ANKRD33B: variants seen among roughly 807,000 people sequenced by gnomAD.
ANKRD33B encodes the protein ankyrin repeat domain 33B, also known as ankyrin repeat domain-containing protein 33B.
Under a neutral mutation model 21.5 loss-of-function variants are expected in ANKRD33B, and 6 were observed. That is an observed-to-expected ratio of 0.28 (90% CI 0.15 to 0.55). ANKRD33B has a LOEUF of 0.55. Ranked by LOEUF, ANKRD33B falls within the 20% of genes least tolerant of loss-of-function variation. The pLI, the probability that ANKRD33B is intolerant of heterozygous loss-of-function variation, is 0.94. For synonymous variants in ANKRD33B, 347 were observed against 342.4 expected (o/e 1.01, Z -0.15); for missense variants, 698 against 747.2 (o/e 0.93, Z 0.77).
chr5:10,636,283 G>C (rs1382824588), intron 2 of ANKRD33B, among the ~76,000 whole-genome samples: 1 of 152,282 alleles, frequency 6.6e-6, no homozygotes, highest in East Asian at 1.9e-4. Context: ...ATGAATAAGT[G>C]GGGATTTCTG....
Position 10,651,539 on chromosome 5 carries a change from C to T in ANKRD33B, c.*1426C>T, listed in dbSNP as rs1309981881. ...GGGCAGGGTATGAAAGCTGGAAACT[C>T]AGGCTGGAGTTTCTAGTTCTAATGG... On this transcript the variant is annotated 3_prime_UTR_variant, in exon 4 of 4. Transcript: ENST00000296657. The T allele has an allele frequency of 1.3e-5, 2 of 152,336 alleles. No homozygotes were observed. The allele number at this position is 152,336 out of a possible 1,614,324, so 9.4% of individuals were successfully genotyped here.
At position 10,649,947 on chromosome 5, in the gene ANKRD33B, G is replaced by C. The variant is rs1374550799; in HGVS notation, c.1319G>C (p.Arg440Pro). 1.8e-5 allele frequency: 28 copies of C among 1,529,624 alleles called. No individual in the cohort carries two copies. The highest frequency in any genetic ancestry group is 2.4e-5 in the Non-Finnish European group (28 of 1,143,612). 94.8% of individuals were successfully genotyped at this position (1,529,624 alleles called of 1,614,324 possible). Residue 440 changes from arginine to proline, a missense_variant, in exon 4 of 4, where the codon CGG becomes CCG. By Grantham distance (103) the Arg-to-Pro change is moderately radical. Around this residue, in one of 3 missense-constraint regions of ANKRD33B, gnomAD observed 543 missense variants for 566.5 expected, o/e 0.96. Coordinates refer to ENST00000296657, the MANE Select transcript of ANKRD33B (RefSeq NM_001164440.2). Reference protein sequence around the residue: ...KAPAPTFQPERPARKGSTKDS... With the variant: ...KAPAPTFQPEPPARKGSTKDS... Reference sequence around the variant, plus strand: ...CCCGCGCCCACCTTCCAGCCCGAGCGGCCGGCGCGGAAGGGCAGCACCAAG... The same window carrying C: ...CCCGCGCCCACCTTCCAGCCCGAGCCGCCGGCGCGGAAGGGCAGCACCAAG...
At chr5:10,624,578 CTGAAT>C in intron 2 of ANKRD33B, 2 of 367,908 alleles carry the variant, frequency 5.4e-6, no homozygotes, top group Non-Finnish European at 1.1e-5. Flanking sequence ...GGCTTTGGGA[CTGAAT>C]TGTTGAGGTT....
intron 1 of ANKRD33B, among the ~76,000 whole-genome samples, chr5:10,589,122 T>C (rs1735629035): frequency 6.6e-6 from 1 of 152,188 alleles, no homozygotes; most frequent in Admixed American, 6.5e-5. Context: ...CCCGAGTTCC[T>C]GTGCTGAGTC....
At chr5:10,603,808 T>A (rs538372371) in intron 1 of ANKRD33B, among the ~76,000 whole-genome samples, 60 of 152,202 alleles carry the variant, frequency 3.9e-4, no homozygotes, top group African/African-American at 1.4e-3. Flanking sequence ...TTTATATACC[T>A]CAATTTTACT....
intron 1 of ANKRD33B, among the ~76,000 whole-genome samples, chr5:10,575,250 C>G (rs1250836279): frequency 6.6e-6 from 1 of 151,914 alleles, no homozygotes; most frequent in East Asian, 1.9e-4. Flanking sequence ...TGGTGAAACC[C>G]CATCTCTACT....
rs116025058 is a variant in ANKRD33B, at chr5:10,621,543, A to G, written c.496+3081A>G. ...TACGACAAATGTGCACAAAGTGGTG[A>G]TACTAAAGGATAATTTTCAAAAGCT... On this transcript the variant is annotated intron_variant, in intron 2 of 3. Coordinates refer to ENST00000296657, the MANE Select transcript of ANKRD33B (RefSeq NM_001164440.2). Among the ~76,000 whole-genome samples the G allele has an allele frequency of 6.5e-3, 986 of 152,344 alleles. 6 individuals carry two copies. Among genetic ancestry groups the G allele is most frequent in the Admixed American group, 9.9e-3 (151 of 15,300 alleles).
chr5:10,617,031 G>C (rs919568337), intron 1 of ANKRD33B, among the ~76,000 whole-genome samples: 1 of 152,158 alleles, frequency 6.6e-6, no homozygotes. Flanking sequence ...GTCCTTACAT[G>C]GAGGAAAAAG....
intron 2 of ANKRD33B, among the ~76,000 whole-genome samples, chr5:10,622,689 A>G (rs16885022): frequency 0.071 from 10,844 of 152,186 alleles, 425 homozygotes; most frequent in Middle Eastern, 0.18. Context: ...CCGGGGAGCA[A>G]TCGATCTATT....
intron 1 of ANKRD33B, among the ~76,000 whole-genome samples, chr5:10,617,653 G>T (rs1259341270): frequency 2.6e-5 from 4 of 152,124 alleles, no homozygotes; most frequent in African/African-American, 9.7e-5. Flanking sequence ...GCAGCCGATG[G>T]CTCAGGACAC....
chr5:10,602,195 C>T (rs1389592969), intron 1 of ANKRD33B, among the ~76,000 whole-genome samples: 3 of 152,218 alleles, frequency 2.0e-5, no homozygotes, highest in South Asian at 2.1e-4. Context: ...CTGTCCATCC[C>T]GGGGCCTCAC....
rs1737322319 is a variant in ANKRD33B, at chr5:10,650,393, A to G, written c.*280A>G. ...GAGAACCTCAATTAAGATTTTTTTT[A>G]AAGATCAATTTATCAAAGGGCGTTT... On this transcript the variant is annotated 3_prime_UTR_variant, in exon 4 of 4. Transcript: ENST00000296657. 3.8e-6 allele frequency: 1 copy of G among 262,628 alleles called. No individual in the cohort carries two copies. The highest frequency in any genetic ancestry group is 5.4e-5 in the Admixed American group (1 of 18,400). 16.3% of individuals were successfully genotyped at this position (262,628 alleles called of 1,614,324 possible). A position where few individuals can be genotyped will look rare whatever the true frequency, so the allele number is the denominator to read the frequency against.
chr5:10,590,539 T>C (rs1160612622), intron 1 of ANKRD33B, among the ~76,000 whole-genome samples: 1 of 152,172 alleles, frequency 6.6e-6, no homozygotes, highest in Non-Finnish European at 1.5e-5. Flanking sequence ...CAGGATGACT[T>C]TGAATGCAGC....
At chr5:10,639,020 A>C (rs1346547869) in intron 3 of ANKRD33B, among the ~76,000 whole-genome samples, 1 of 76,884 alleles carries the variant, frequency 1.3e-5, no homozygotes, top group Admixed American at 1.2e-4. Flanking sequence ...GGTGACGCGG[A>C]GTTGCGCGGC....
chr5:10,586,086 G>A (rs1057187903), intron 1 of ANKRD33B, among the ~76,000 whole-genome samples: 2 of 151,992 alleles, frequency 1.3e-5, no homozygotes, highest in African/African-American at 4.8e-5. Flanking sequence ...TGTTGTCTCT[G>A]CTCCATGCTA....
rs1370510987 is a variant in ANKRD33B, at chr5:10,650,456, ATT to A, written c.*345_*346del. The A allele has an allele frequency of 2.3e-5, 4 of 171,620 alleles. No homozygotes were observed. Among genetic ancestry groups the A allele is most frequent in the African/African-American group, 9.5e-5 (4 of 42,146 alleles). The allele number at this position is 171,620 out of a possible 1,614,324, so 10.6% of individuals were successfully genotyped here. On this transcript the variant is annotated 3_prime_UTR_variant, in exon 4 of 4. Transcript: ENST00000296657. Reference sequence around the variant, plus strand: ...TGTATTTTTAATCATTATTTATCAAATTTGCAACGTTTTACAAGTGATAGGGC... The same window carrying A: ...TGTATTTTTAATCATTATTTATCAAATGCAACGTTTTACAAGTGATAGGGC...
At chr5:10,589,630 A>T (rs1381381569) in intron 1 of ANKRD33B, among the ~76,000 whole-genome samples, 1 of 152,166 alleles carries the variant, frequency 6.6e-6, no homozygotes, top group Non-Finnish European at 1.5e-5. Flanking sequence ...TAATTTACCA[A>T]TTCCTTTGTC....
chr5:10,564,717 C>G lies in ANKRD33B; in HGVS notation c.250C>G (p.Pro84Ala). Residue 84 changes from proline (P) to alanine (A), a missense_variant, in exon 1 of 4, where the codon CCG (proline) becomes GCG (alanine). Physicochemically the swap from Pro to Ala is conservative, Grantham distance 27 (BLOSUM62 -1). Transcript: ENST00000296657. ...SVPEGVPESV[P>A]ETATLLRAAC... Reference sequence around the variant, plus strand: ...CCCGGAGGGCGTCCCGGAAAGCGTCCCGGAGACGGCGACCCTCCTGCGCGC... The same window carrying G: ...CCCGGAGGGCGTCCCGGAAAGCGTCGCGGAGACGGCGACCCTCCTGCGCGC... 6.5e-7 allele frequency: 1 copy of G among 1,533,630 alleles called. No individual in the cohort carries two copies. The highest frequency in any genetic ancestry group is 8.7e-7 in the Non-Finnish European group (1 of 1,145,862).
At chr5:10,621,041 G>A (rs371997959) in intron 2 of ANKRD33B, among the ~76,000 whole-genome samples, 3 of 152,058 alleles carry the variant, frequency 2.0e-5, no homozygotes, top group Middle Eastern at 6.8e-3. Context: ...TAAAAATCTC[G>A]TGTGTTCTAC....
Sources: allele counts gnomAD v4.1 joint callset (sites outside exome capture counted in the v4.1 genomes callset), GRCh38; gene constraint gnomAD v4.1.1; regional missense constraint gnomAD v4.1.1; transcripts MANE v1.5; gene names NCBI Gene and HGNC (gene_info 2026-07-23, HGNC 2026-07-21).